SEC16B: variants seen among roughly 807,000 people sequenced by gnomAD.
The protein encoded by SEC16B is SEC16 homolog B, endoplasmic reticulum export factor.
A neutral mutation model predicts 141.8 loss-of-function variants in SEC16B; 115 were observed. The observed-to-expected ratio is 0.81, with a 90% CI of 0.70 to 0.95. SEC16B has a LOEUF of 0.95. SEC16B is among the 40% of genes least tolerant of loss of function. The pLI, the probability that SEC16B is intolerant of heterozygous loss-of-function variation, is 0.00. For synonymous variants in SEC16B, 493 were observed against 492.5 expected, an observed-to-expected ratio of 1.00 and a Z score of -0.01; for missense variants, 1,291 against 1,312.3, an observed-to-expected ratio of 0.98 and a Z score of 0.25.
At chr1:177,940,584 A>G (rs1651204370) in intron 17 of SEC16B, 26 bp downstream of exon 17, 1 of 1,544,306 alleles carries the variant, frequency 6.5e-7, no homozygotes, top group East Asian at 2.2e-5. Context: ...CAGTCCCCCC[A>G]ACGCCCTGGC....
At chr1:177,955,215 G>A (rs1571333856) in intron 10 of SEC16B, among the ~76,000 whole-genome samples, 1 of 151,940 alleles carries the variant, frequency 6.6e-6, no homozygotes, top group Non-Finnish European at 1.5e-5. Flanking sequence ...AGAAATGCAG[G>A]CCCGGTGCGG....
At chr1:177,974,251 T>C (rs539254519), upstream of SEC16B, among the ~76,000 whole-genome samples, 33 of 152,248 alleles carry the variant, frequency 2.2e-4, no homozygotes, top group African/African-American at 7.9e-4. Context: ...GGTCAATAAG[T>C]AGTTCACTGT....
In SEC16B at chr1:177,960,285, C is replaced by G. The variant is rs750114236; in HGVS notation, c.998+57G>C. 339 of 1,112,514 alleles carry G rather than the reference C, an allele frequency of 3.0e-4. 1 individual carries two copies. Among genetic ancestry groups the G allele is most frequent in the Non-Finnish European group, 4.2e-4 (309 of 737,834 alleles). The allele number at this position is 1,112,514 out of a possible 1,614,324, so 68.9% of individuals were successfully genotyped here. On this transcript the variant is annotated intron_variant, in intron 8 of 25. Coordinates refer to ENST00000308284, the MANE Select transcript of SEC16B (RefSeq NM_033127.4). ...CAAATCTCCAAAATGCTGATCTGGGCAGGAAGATTTTCTAGGTTTCAAAAG... is the reference window on the plus strand; with the variant it reads ...CAAATCTCCAAAATGCTGATCTGGGGAGGAAGATTTTCTAGGTTTCAAAAG...
chr1:177,932,653 G>A, intron 23 of SEC16B, 45 bp downstream of exon 23: 2 of 1,522,230 alleles, frequency 1.3e-6, no homozygotes, highest in South Asian at 1.3e-5. Context: ...CCTTGGGAGT[G>A]CTGAGGGGAC....
chr1:177,960,041 A>C (rs763589059), intron 8 of SEC16B: 1 of 369,610 alleles, frequency 2.7e-6, no homozygotes, highest in East Asian at 4.9e-5. Context: ...TTTTCTACTA[A>C]CATCTATCAA....
At chr1:177,957,935 C>T (rs1652746300) in intron 10 of SEC16B, among the ~76,000 whole-genome samples, 197 bp downstream of exon 10, 1 of 151,926 alleles carries the variant, frequency 6.6e-6, no homozygotes, top group Admixed American at 6.6e-5. Context: ...CTGTACCTGG[C>T]TTATTTCATT....
chr1:177,942,738 CAAGT>C (rs376249354), intron 15 of SEC16B, among the ~76,000 whole-genome samples: 63 of 151,734 alleles, frequency 4.2e-4, no homozygotes, highest in African/African-American at 1.3e-3. Context: ...CTGAGAAAAA[CAAGT>C]AAGCGCTCGT....
intron 3 of SEC16B, among the ~76,000 whole-genome samples, chr1:177,965,400 GGTGTGT>G (rs71108021): frequency 4.6e-5 from 7 of 151,006 alleles, no homozygotes; most frequent in Non-Finnish European, 7.4e-5. Flanking sequence ...GATGGGGATT[GGTGTGT>G]GTGTGTGTGT....
rs368411307 is a variant in SEC16B at position 177,964,297 on chromosome 1, G to A, written c.534-18C>T. On this transcript the variant is annotated intron_variant, in intron 4 of 25. Coordinates refer to ENST00000308284, the MANE Select transcript of SEC16B (RefSeq NM_033127.4). ...TGTTAGATCTGCAGCAAAATGACAG[G>A]AGCAGTGAGCGGGGTCCTGGGCAAG... 27 of 1,590,330 alleles carry A rather than the reference G, an allele frequency of 1.7e-5. No individual in the cohort carries two copies. The African/African-American group carries it at 2.1e-4, about 13-fold the overall frequency.
chr1:177,939,708 T>C lies in SEC16B; in HGVS notation c.2197A>G (p.Thr733Ala), dbSNP rs1436001119. The C allele has an allele frequency of 6.3e-7, 1 of 1,592,972 alleles. No homozygotes were observed. The highest frequency in any genetic ancestry group is 1.1e-5 in the South Asian group (1 of 87,344). The change falls in exon 18 of 26, where the codon ACA (threonine) becomes GCA (alanine). Residue 733 changes from threonine (T) to alanine (A), a missense_variant. Thr to Ala is a moderately conservative substitution (Grantham distance 58). Around this residue, in one of 3 missense-constraint regions of SEC16B, gnomAD observed 605 missense variants for 614.1 expected, o/e 0.99. Transcript: ENST00000308284. ...RSDISGAGGTTTENTFYQDFS... is the reference protein window; with the variant it reads ...RSDISGAGGTATENTFYQDFS... ...AGTTCATCATTTTGGGTACCTGTTG[T>C]TGTTCCTCCGGCTCCCGAAATATCT...
At chr1:177,936,402 G>A (rs780818046) in intron 19 of SEC16B, 37 bp from the exon 20 acceptor site, 1 of 1,554,144 alleles carries the variant, frequency 6.4e-7, no homozygotes, top group South Asian at 1.2e-5. Flanking sequence ...GCAATTGGAA[G>A]TTGTGCTTTT....
At chr1:177,962,859 CACTTT>C (rs1472720670) in intron 5 of SEC16B, among the ~76,000 whole-genome samples, 1 of 152,148 alleles carries the variant, frequency 6.6e-6, no homozygotes, top group East Asian at 1.9e-4. Context: ...GTAATCCCAG[CACTTT>C]GGGAGGCCGA....
intron 12 of SEC16B, among the ~76,000 whole-genome samples, chr1:177,948,922 TACACACACACACAC>T (rs71108020): frequency 1.3e-5 from 2 of 149,264 alleles, no homozygotes; most frequent in Non-Finnish European, 1.5e-5. Flanking sequence ...TAGGTATAAA[TACACACACACACAC>T]ACACACACAC....
chr1:177,940,588 C>T, intron 17 of SEC16B, 22 bp downstream of exon 17: 1 of 1,568,188 alleles, frequency 6.4e-7, no homozygotes, highest in Non-Finnish European at 8.8e-7. Context: ...CCCCCCAACG[C>T]CCTGGCTCCA....
intron 1 of SEC16B, among the ~76,000 whole-genome samples, chr1:177,980,666 A>G (rs975038515): frequency 6.6e-6 from 1 of 151,986 alleles, no homozygotes; most frequent in African/African-American, 2.4e-5. Context: ...GTGACAGGCA[A>G]TTCCAATAAT....
intron 1 of SEC16B, among the ~76,000 whole-genome samples, chr1:177,977,497 A>C (rs1318926266): frequency 6.6e-6 from 1 of 152,244 alleles, no homozygotes; most frequent in Non-Finnish European, 1.5e-5. Flanking sequence ...AGTTTACCTG[A>C]GATGGGTAGT....
At chr1:177,949,524 T>TAGAGAG (rs148147693) in intron 12 of SEC16B, among the ~76,000 whole-genome samples, 18 of 147,638 alleles carry the variant, frequency 1.2e-4, no homozygotes, top group East Asian at 4.0e-4. Context: ...GGGGACACAG[T>TAGAGAG]AGAGAGAGAG....
chr1:177,981,737 T>C (rs1654424692), intron 1 of SEC16B, among the ~76,000 whole-genome samples: 1 of 152,096 alleles, frequency 6.6e-6, no homozygotes, highest in African/African-American at 2.4e-5. Context: ...ATGTTCAGGA[T>C]GGGCCATGGT....
intron 5 of SEC16B, among the ~76,000 whole-genome samples, chr1:177,962,287 G>T (rs1296531027): frequency 6.6e-6 from 1 of 151,956 alleles, no homozygotes; most frequent in Non-Finnish European, 1.5e-5. Context: ...GGCCAGGATG[G>T]TCTCAATCTC....
Sources: gnomAD v4.1 joint callset for allele counts (sites outside exome capture counted in the v4.1 genomes callset) on GRCh38, gnomAD v4.1.1 for gene constraint, gnomAD v4.1.1 regional missense constraint, MANE v1.5 for transcripts, NCBI Gene and HGNC (gene_info 2026-07-23, HGNC 2026-07-21) for gene names.